RALGAPA1: variants seen among roughly 807,000 people sequenced by gnomAD.
The protein encoded by RALGAPA1 is ral GTPase-activating protein subunit alpha-1.
In RALGAPA1, 52 loss-of-function variants were observed where a neutral mutation model predicts 269.6. The observed-to-expected ratio is 0.19, with a 90% CI of 0.15 to 0.24. The LOEUF (loss-of-function observed/expected upper bound fraction) is 0.24. Ranked by LOEUF, RALGAPA1 falls within the 10% of genes least tolerant of loss-of-function variation. RALGAPA1 has a pLI of 1.00. For synonymous variants in RALGAPA1, 817 were observed against 1,008.3 expected (o/e 0.81, Z 3.60); for missense variants, 1,917 against 3,013.9 (o/e 0.64, Z 8.52).
intron 35 of RALGAPA1, among the ~76,000 whole-genome samples, chr14:35,620,481 T>C (rs1295627855): frequency 1.3e-5 from 2 of 152,096 alleles, no homozygotes. Flanking sequence ...TCACCACTCC[T>C]ATTCAACATA....
chr14:35,673,209 C>A (rs2064635191), intron 24 of RALGAPA1, among the ~76,000 whole-genome samples, 187 bp from the exon 25 acceptor site: 1 of 152,106 alleles, frequency 6.6e-6, no homozygotes, highest in African/African-American at 2.4e-5. Flanking sequence ...GTAGGTATAA[C>A]CATAAACTGT....
chr14:35,712,726 C>T (rs1157773319), intron 16 of RALGAPA1, among the ~76,000 whole-genome samples: 1 of 152,160 alleles, frequency 6.6e-6, no homozygotes, highest in East Asian at 1.9e-4. Flanking sequence ...AGGCTAGCCT[C>T]CAACTCCTGG....
chr14:35,672,235 CTG>C (rs1436515518), intron 25 of RALGAPA1, among the ~76,000 whole-genome samples: 1 of 152,064 alleles, frequency 6.6e-6, no homozygotes, highest in Admixed American at 6.6e-5. Flanking sequence ...TTAATATACT[CTG>C]TAAATGACCT....
At chr14:35,717,214 G>A (rs183578893) in intron 16 of RALGAPA1, among the ~76,000 whole-genome samples, 2 of 152,220 alleles carry the variant, frequency 1.3e-5, no homozygotes, top group East Asian at 1.9e-4. Context: ...GCAATGGTGC[G>A]ATCTCGGCCC....
At position 35,748,748 on chromosome 14, in the gene RALGAPA1, G is replaced by A. The variant is rs763288693; in HGVS notation, c.1088C>T (p.Pro363Leu). The A allele has an allele frequency of 1.2e-6, 2 of 1,612,638 alleles. No individual in the cohort carries two copies. The highest frequency in any genetic ancestry group is 2.2e-5 in the East Asian group (1 of 44,828). Residue 363 changes from proline to leucine, a missense_variant, in exon 10 of 42, where the codon CCC becomes CTC. Physicochemically the swap from Pro to Leu is moderately conservative, Grantham distance 98 (BLOSUM62 -3). Coordinates refer to ENST00000680220, the MANE Select transcript of RALGAPA1 (RefSeq NM_001346249.2). ...GCTTGTATTGGAATGAGACTGTTCG[G>A]GTTCTGTAGTTCTGTCTGTTTTATC... ...NADKTDRTTE[P>L]EQSHSNTSTL...
In RALGAPA1 at chr14:35,678,030, T is replaced by G; in HGVS notation, c.4544A>C (p.Asn1515Thr). ...ATCCTTCTGTTCCATGTGATCTATA[T>G]TCAATGTAGAAGGGGAAGGAGTCTG... ...RSQTPSPSTL[N>T]IDHMEQKDLQ... Residue 1515 changes from asparagine to threonine, a missense_variant, in exon 22 of 42, where the codon AAT becomes ACT. Physicochemically the swap from Asn to Thr is moderately conservative, Grantham distance 65. This residue lies in a region of RALGAPA1 where 615 missense variants were observed against 790.0 expected (regional missense o/e 0.78). Transcript: ENST00000680220. The G allele has an allele frequency of 6.2e-7, 1 of 1,613,408 alleles. No individual in the cohort carries two copies. The highest frequency in any genetic ancestry group is 8.5e-7 in the Non-Finnish European group (1 of 1,179,848).
In RALGAPA1 at chr14:35,689,798, T is replaced by C; in HGVS notation, c.2613A>G (p.Ala871=). ...VPVIDSSSRH[A]PSLQSSTEAS... is the part of the protein sequence containing the mutation. ...CCTCTGTGGAACTCTGCAAGCTTGG[T>C]GCATGACGGGATGAACTGTCAATGA... The change falls in exon 18 of 42, where the codon GCA becomes GCG. Residue 871 remains alanine, a synonymous_variant. Transcript: ENST00000680220. The C allele has an allele frequency of 6.4e-7, 1 of 1,561,644 alleles. No homozygotes were observed.
intron 35 of RALGAPA1, among the ~76,000 whole-genome samples, chr14:35,610,019 A>T (rs896110689): frequency 6.6e-6 from 1 of 151,654 alleles, no homozygotes; most frequent in Admixed American, 6.6e-5. Context: ...CAGTGGAAAT[A>T]AATAAAATAG....
chr14:35,694,169 C>G (rs1276302601), intron 17 of RALGAPA1, among the ~76,000 whole-genome samples: 1 of 151,840 alleles, frequency 6.6e-6, no homozygotes, highest in Admixed American at 6.6e-5. Context: ...ACTAACATAT[C>G]ACTAGAAATT....
intron 17 of RALGAPA1, among the ~76,000 whole-genome samples, chr14:35,696,057 A>G (rs981373858): frequency 4.6e-5 from 7 of 152,332 alleles, no homozygotes; most frequent in Middle Eastern, 3.4e-3. Context: ...GTGCATTGAC[A>G]TAGTGCTAAT....
intron 1 of RALGAPA1, among the ~76,000 whole-genome samples, chr14:35,785,767 T>C (rs1261695645): frequency 1.3e-5 from 2 of 152,196 alleles, no homozygotes; most frequent in African/African-American, 2.4e-5. Flanking sequence ...CAAGCTGAGA[T>C]GACCTTCTCA....
chr14:35,733,509 A>C (rs2070699591), intron 12 of RALGAPA1, among the ~76,000 whole-genome samples: 1 of 152,020 alleles, frequency 6.6e-6, no homozygotes, highest in Non-Finnish European at 1.5e-5. Flanking sequence ...CGAACCAAAA[A>C]ATTCTCCAAA....
intron 41 of RALGAPA1, among the ~76,000 whole-genome samples, chr14:35,541,325 G>A (rs968220874): frequency 6.6e-6 from 1 of 151,984 alleles, no homozygotes; most frequent in African/African-American, 2.4e-5. Context: ...GATTGCAGGC[G>A]TGAGCCACCG....
chr14:35,696,802 A>G (rs1016683789), intron 17 of RALGAPA1, among the ~76,000 whole-genome samples: 15 of 152,188 alleles, frequency 9.9e-5, no homozygotes, highest in Non-Finnish European at 4.4e-5. Flanking sequence ...AGACTCAGGA[A>G]ATATTTTATG....
intron 1 of RALGAPA1, among the ~76,000 whole-genome samples, chr14:35,792,841 A>AAGAAAGAT (rs1567241480): frequency 7.2e-6 from 1 of 138,958 alleles, no homozygotes; most frequent in Non-Finnish European, 1.6e-5. Context: ...GAAAGAAAGA[A>AAGAAAGAT]AGATAGATTG....
chr14:35,640,222 A>G (rs1273565705), intron 31 of RALGAPA1, among the ~76,000 whole-genome samples: 4 of 152,164 alleles, frequency 2.6e-5, no homozygotes, highest in Non-Finnish European at 4.4e-5. Context: ...CAGAATAAAA[A>G]TAATAAAGAT....
chr14:35,717,489 T>C (rs1041454179), intron 16 of RALGAPA1, among the ~76,000 whole-genome samples: 2 of 152,144 alleles, frequency 1.3e-5, no homozygotes, highest in African/African-American at 4.8e-5. Flanking sequence ...TTATAAAATG[T>C]ATATTCATCT....
intron 26 of RALGAPA1, among the ~76,000 whole-genome samples, chr14:35,665,692 G>T (rs2063872023): frequency 6.6e-6 from 1 of 152,102 alleles, no homozygotes. Flanking sequence ...TAAAAGGGCA[G>T]GGTGAACTCA....
chr14:35,718,648 T>C (rs1465716545), intron 16 of RALGAPA1, among the ~76,000 whole-genome samples: 1 of 151,838 alleles, frequency 6.6e-6, no homozygotes, highest in East Asian at 1.9e-4. Context: ...AAACTCCGTG[T>C]CCACTAAAAA....
Sources: gnomAD v4.1 joint callset for allele counts (sites outside exome capture counted in the v4.1 genomes callset) on GRCh38, gnomAD v4.1.1 for gene constraint, gnomAD v4.1.1 regional missense constraint, MANE v1.5 for transcripts, NCBI Gene and HGNC (gene_info 2026-07-23, HGNC 2026-07-21) for gene names.